The following PCDHA10 variants were observed in gnomAD, a reference collection of about 807,000 sequenced individuals.
The protein encoded by PCDHA10 is protocadherin alpha 10.
Under a neutral mutation model 61.2 loss-of-function variants are expected in PCDHA10, and 45 were observed. The ratio of observed to expected loss-of-function variants is 0.74; its 90% CI spans 0.58 to 0.94. PCDHA10 has a LOEUF of 0.94. Among genes scored for constraint, PCDHA10 ranks in the 40% least tolerant of loss-of-function variants. PCDHA10 has a pLI of 0.00. For synonymous variants in PCDHA10, 602 were observed against 548.8 expected (o/e 1.10, Z -1.35); for missense variants, 1,278 against 1,236.2 (o/e 1.03, Z -0.51).
intron 1 of PCDHA10, chr5:140,877,744 G>A (rs200651425): frequency 6.2e-7 from 1 of 1,614,080 alleles, no homozygotes; most frequent in African/African-American, 1.3e-5. Flanking sequence ...GAGGCAGAGG[G>A]TGTGCTCTGC....
chr5:140,925,337 AT>A (rs1197479455), intron 1 of PCDHA10, among the ~76,000 whole-genome samples: 1 of 152,072 alleles, frequency 6.6e-6, no homozygotes, highest in Non-Finnish European at 1.5e-5. Flanking sequence ...TAAAAGAAGG[AT>A]TTGAGTGAGG....
chr5:140,969,536 C>A, intron 1 of PCDHA10: 1 of 1,332,634 alleles, frequency 7.5e-7, no homozygotes, highest in South Asian at 1.6e-5. Flanking sequence ...TTTTCATTTT[C>A]AGAGGCATGA....
At chr5:140,986,393 C>T (rs1554248003) in intron 3 of PCDHA10, among the ~76,000 whole-genome samples, 1 of 152,148 alleles carries the variant, frequency 6.6e-6, no homozygotes, top group Non-Finnish European at 1.5e-5. Context: ...ATTAAAGGGC[C>T]AGTCGCTCAT....
At chr5:140,916,527 C>T (rs2077599616) in intron 1 of PCDHA10, among the ~76,000 whole-genome samples, 1 of 152,162 alleles carries the variant, frequency 6.6e-6, no homozygotes, top group Non-Finnish European at 1.5e-5. Context: ...CTGGGTCCTT[C>T]CCACCAAGGC....
At chr5:140,899,201 G>T (rs1400966236) in intron 1 of PCDHA10, among the ~76,000 whole-genome samples, 5 of 151,818 alleles carry the variant, frequency 3.3e-5, no homozygotes, top group Admixed American at 6.6e-5. Context: ...CTGCCTAATT[G>T]CCCTGGCCAG....
intron 1 of PCDHA10, chr5:140,930,415 G>T (rs2086824319): frequency 6.6e-6 from 1 of 151,804 alleles, no homozygotes; most frequent in African/African-American, 2.4e-5. Flanking sequence ...TGAGACAGGG[G>T]TCTCACTATG....
chr5:141,009,606 T>C (rs2098413036), intron 3 of PCDHA10, 21 bp from the exon 4 acceptor site: 1 of 1,609,858 alleles, frequency 6.2e-7, no homozygotes, highest in Non-Finnish European at 8.5e-7. Flanking sequence ...TGTTAATGAT[T>C]TGTAATGTTT....
At chr5:140,890,890 T>C (rs2062844225) in intron 1 of PCDHA10, among the ~76,000 whole-genome samples, 1 of 152,192 alleles carries the variant, frequency 6.6e-6, no homozygotes, top group South Asian at 2.1e-4. Context: ...TCAGGGATTA[T>C]TGTCTTTCCA....
intron 1 of PCDHA10, chr5:140,868,910 T>C: frequency 2.3e-6 from 2 of 888,770 alleles, no homozygotes; most frequent in South Asian, 3.8e-5. Flanking sequence ...GCTCTTTACT[T>C]GGTGGAAAGT....
intron 1 of PCDHA10, chr5:140,864,535 C>G (rs535465437): frequency 1.3e-5 from 2 of 152,242 alleles, no homozygotes; most frequent in South Asian, 2.1e-4. Flanking sequence ...TAATTTTTGT[C>G]TTCAATCTTC....
At chr5:140,965,561 A>T (rs2095912417) in intron 1 of PCDHA10, among the ~76,000 whole-genome samples, 1 of 152,114 alleles carries the variant, frequency 6.6e-6, no homozygotes, top group Admixed American at 6.5e-5. Context: ...TTAGGAGATC[A>T]ACAGTAACGC....
At chr5:140,968,813 A>G (rs1554231120) in intron 1 of PCDHA10, 1 of 1,614,194 alleles carries the variant, frequency 6.2e-7, no homozygotes, top group South Asian at 1.1e-5. Context: ...TGTGGTGGAT[A>G]GGGTTTCCAA....
intron 1 of PCDHA10, chr5:140,877,659 G>A (rs1554169954): frequency 9.3e-6 from 15 of 1,613,500 alleles, no homozygotes; most frequent in Admixed American, 1.7e-5. Flanking sequence ...CGCCCACCGT[G>A]AGCCGGTGCG....
rs139167552 is a variant in PCDHA10, at chr5:140,939,382, C to T, written c.2389-39567C>T. On this transcript the variant is annotated intron_variant, in intron 1 of 3. Coordinates refer to ENST00000307360, the MANE Select transcript of PCDHA10 (RefSeq NM_018901.4). ...CAAAGGAGGAGGGAACACAAACATT[C>T]AGATCATAGCAAGTTTGTGTAAATC... 3.9e-5 allele frequency among the ~76,000 whole-genome samples: 6 copies of T among 152,258 alleles called. No homozygotes were observed. The East Asian group carries it at 1.2e-3, about 29-fold the overall frequency.
At chr5:140,988,007 A>G (rs2097277966) in intron 3 of PCDHA10, among the ~76,000 whole-genome samples, 1 of 152,230 alleles carries the variant, frequency 6.6e-6, no homozygotes, top group Non-Finnish European at 1.5e-5. Context: ...TTCCCCAGAA[A>G]GAAAGCATGA....
chr5:140,959,000 G>A (rs1239762631), intron 1 of PCDHA10, among the ~76,000 whole-genome samples: 1 of 151,884 alleles, frequency 6.6e-6, no homozygotes, highest in Admixed American at 6.6e-5. Flanking sequence ...ATCTTTTACT[G>A]TACCTAATTT....
intron 1 of PCDHA10, chr5:140,928,743 G>C: frequency 6.2e-7 from 1 of 1,614,138 alleles, no homozygotes; most frequent in Non-Finnish European, 8.5e-7. Context: ...ATATAGGTGA[G>C]CTCCGTACTG....
At chr5:140,862,216 T>C in intron 1 of PCDHA10, 1 of 205,622 alleles carries the variant, frequency 4.9e-6, no homozygotes, top group Non-Finnish European at 9.9e-6. Flanking sequence ...TGCACAGACT[T>C]GATAGAAGTC....
intron 1 of PCDHA10, among the ~76,000 whole-genome samples, chr5:140,888,097 G>T (rs536916138): frequency 3.3e-4 from 50 of 152,066 alleles, no homozygotes; most frequent in African/African-American, 1.2e-3. Context: ...TCCTTAGTTT[G>T]CTTCTTTTAA....
Sources: gnomAD v4.1 joint callset for allele counts (sites outside exome capture counted in the v4.1 genomes callset) on GRCh38, gnomAD v4.1.1 for gene constraint, MANE v1.5 for transcripts, NCBI Gene and HGNC (gene_info 2026-07-23, HGNC 2026-07-21) for gene names.